The following DOK5 variants were observed in gnomAD, a reference collection of about 807,000 sequenced individuals.
The protein encoded by DOK5 is docking protein 5.
A neutral mutation model predicts 43.3 loss-of-function variants in DOK5; 27 were observed. The observed-to-expected ratio is 0.62, with a 90% confidence interval of 0.46 to 0.86. The LOEUF (loss-of-function observed/expected upper bound fraction) is 0.86, where lower values mean the gene tolerates loss of function less well. DOK5 is among the 40% of genes least tolerant of loss of function. DOK5 has a pLI of 0.00. For synonymous variants in DOK5, 146 were observed against 140.1 expected (o/e 1.04, Z -0.30); for missense variants, 373 against 392.9 (o/e 0.95, Z 0.43).
At chr20:54,638,038 T>C (rs935195687) in intron 6 of DOK5, among the ~76,000 whole-genome samples, 10 of 149,864 alleles carry the variant, frequency 6.7e-5, no homozygotes, top group South Asian at 2.1e-4. Context: ...AGGAGAATGG[T>C]GTGAACCCGG....
At chr20:54,539,712 C>T (rs1984083628) in intron 1 of DOK5, among the ~76,000 whole-genome samples, 1 of 152,152 alleles carries the variant, frequency 6.6e-6, no homozygotes, top group South Asian at 2.1e-4. Context: ...TTAAGACAAC[C>T]CAGGACTTGA....
At chr20:54,531,622 A>G (rs1312488023) in intron 1 of DOK5, among the ~76,000 whole-genome samples, 1 of 152,214 alleles carries the variant, frequency 6.6e-6, no homozygotes, top group East Asian at 1.9e-4. Context: ...TCAGGTTCCA[A>G]TTAGTTTCTA....
intron 1 of DOK5, among the ~76,000 whole-genome samples, chr20:54,506,309 G>A (rs1045660527): frequency 3.9e-5 from 6 of 152,298 alleles, no homozygotes; most frequent in Admixed American, 3.3e-4. Flanking sequence ...AATCAAAGAT[G>A]TTAATTTTGA....
chr20:54,553,572 G>A (rs1984604693), intron 1 of DOK5, among the ~76,000 whole-genome samples: 1 of 150,426 alleles, frequency 6.6e-6, no homozygotes, highest in African/African-American at 2.4e-5. Context: ...GTGCCACTCA[G>A]ACATTTGCCA....
chr20:54,581,982 A>C (rs1231928018), intron 2 of DOK5, among the ~76,000 whole-genome samples: 1 of 150,960 alleles, frequency 6.6e-6, no homozygotes, highest in Non-Finnish European at 1.5e-5. Flanking sequence ...GATCTTAGGA[A>C]AAAAAAATGT....
chr20:54,538,929 A>G (rs1400940602), intron 1 of DOK5, among the ~76,000 whole-genome samples: 1 of 152,210 alleles, frequency 6.6e-6, no homozygotes, highest in Non-Finnish European at 1.5e-5. Flanking sequence ...GCCAAATCGA[A>G]AAGGTTACAT....
intron 1 of DOK5, among the ~76,000 whole-genome samples, chr20:54,481,633 A>T (rs1275604064): frequency 6.6e-6 from 1 of 152,132 alleles, no homozygotes; most frequent in Admixed American, 6.5e-5. Context: ...TCTCTTCTTT[A>T]ATCATAGCTG....
At chr20:54,492,363 T>A (rs1378456066) in intron 1 of DOK5, among the ~76,000 whole-genome samples, 4 of 152,170 alleles carry the variant, frequency 2.6e-5, no homozygotes, top group African/African-American at 9.7e-5. Flanking sequence ...TTGTCCCTTT[T>A]AACGTATGTT....
intron 1 of DOK5, among the ~76,000 whole-genome samples, chr20:54,488,676 CTCCTTCCTTCTT>C (rs942506281): frequency 1.3e-5 from 2 of 149,768 alleles, no homozygotes; most frequent in African/African-American, 4.9e-5. Flanking sequence ...TTTTCCTTCC[CTCCTTCCTTCTT>C]TCCTTCCTTC....
At chr20:54,496,043 T>C (rs1982377678) in intron 1 of DOK5, among the ~76,000 whole-genome samples, 1 of 152,144 alleles carries the variant, frequency 6.6e-6, no homozygotes, top group Non-Finnish European at 1.5e-5. Context: ...GGATCAAGCG[T>C]GTGTGAAGGA....
chr20:54,619,453 C>T (rs1318737517), intron 6 of DOK5, among the ~76,000 whole-genome samples: 2 of 152,148 alleles, frequency 1.3e-5, no homozygotes, highest in African/African-American at 4.8e-5. Context: ...GGATATTCCT[C>T]ATTCCACGAC....
intron 1 of DOK5, among the ~76,000 whole-genome samples, chr20:54,527,025 G>A (rs992071204): frequency 6.6e-6 from 1 of 152,158 alleles, no homozygotes; most frequent in Admixed American, 6.5e-5. Context: ...TTCTGTAGAG[G>A]TCTGATAAGG....
intron 1 of DOK5, among the ~76,000 whole-genome samples, chr20:54,528,300 C>A (rs112880530): frequency 1.3e-5 from 2 of 152,096 alleles, no homozygotes; most frequent in African/African-American, 4.8e-5. Flanking sequence ...GCTGCAGATA[C>A]CCTCAAACTC....
rs1055866487 is a variant in DOK5, at chr20:54,620,719, G to A, written c.735+10196G>A. The stretch of plus-strand genomic sequence containing the variant: ...AGTGCTTCTAGGAATTTACTCTGAC[G>A]TATACTAGCAGAAGTGAAGATGATG... On this transcript the variant is annotated intron_variant, in intron 6 of 7. Coordinates refer to ENST00000262593, the MANE Select transcript of DOK5 (RefSeq NM_018431.5). Among the ~76,000 whole-genome samples, 25 of 152,208 alleles carry A rather than the reference G, an allele frequency of 1.6e-4. 1 individual carries two copies. The highest frequency in any genetic ancestry group is 2.9e-4 in the Non-Finnish European group (20 of 68,028).
At chr20:54,617,987 A>C (rs1259537831) in intron 6 of DOK5, among the ~76,000 whole-genome samples, 1 of 152,088 alleles carries the variant, frequency 6.6e-6, no homozygotes, top group Non-Finnish European at 1.5e-5. Flanking sequence ...ACTCTCATTC[A>C]TTTGACCATT....
intron 1 of DOK5, among the ~76,000 whole-genome samples, chr20:54,516,647 G>T (rs1983206741): frequency 6.6e-6 from 1 of 152,070 alleles, no homozygotes; most frequent in Non-Finnish European, 1.5e-5. Flanking sequence ...CTGACAGTTT[G>T]ACCCCAGATG....
intron 1 of DOK5, among the ~76,000 whole-genome samples, chr20:54,525,034 G>C (rs191227246): frequency 3.9e-5 from 6 of 152,320 alleles, no homozygotes. Context: ...AGAGCAGGCG[G>C]AAGTTCTTAC....
At chr20:54,548,697 G>A (rs796812747) in intron 1 of DOK5, among the ~76,000 whole-genome samples, 3 of 152,298 alleles carry the variant, frequency 2.0e-5, no homozygotes, top group African/African-American at 7.2e-5. Context: ...TATAAAGACA[G>A]TTGAATGAAT....
rs1289214780 is a variant in DOK5, at chr20:54,610,541, T to G, written c.735+18T>G. On this transcript the variant is annotated intron_variant, in intron 6 of 7. Coordinates refer to ENST00000262593, the MANE Select transcript of DOK5 (RefSeq NM_018431.5). ...ACTCGATGGTACGTTTGGAATTTCT[T>G]CCTCGTGTCCCAGTGCCTATCACTG... 1 of 1,458,512 alleles carries G rather than the reference T, an allele frequency of 6.9e-7. No homozygotes were observed. The highest frequency in any genetic ancestry group is 2.5e-5 in the Admixed American group (1 of 39,422). The allele number at this position is 1,458,512 out of a possible 1,614,324, so 90.3% of individuals were successfully genotyped here. A position where few individuals can be genotyped will look rare whatever the true frequency, so the allele number is the denominator to read the frequency against.
Sources: allele counts gnomAD v4.1 joint callset (sites outside exome capture counted in the v4.1 genomes callset), GRCh38; gene constraint gnomAD v4.1.1; transcripts MANE v1.5; gene names NCBI Gene and HGNC (gene_info 2026-07-23, HGNC 2026-07-21).